The following DNAH8 variants were observed in gnomAD, a reference collection of about 807,000 sequenced individuals.
DNAH8 encodes the protein dynein axonemal heavy chain 8, also known as axonemal beta dynein heavy chain 8.
In DNAH8, 382 loss-of-function variants were observed where a neutral mutation model predicts 562.1. That is an observed-to-expected ratio of 0.68 (90% CI 0.63 to 0.74). The LOEUF (loss-of-function observed/expected upper bound fraction) is 0.74, where lower values mean the gene tolerates loss of function less well. DNAH8 is among the 30% of genes least tolerant of loss of function. The pLI is 0.00. For synonymous variants in DNAH8, 1,881 were observed against 1,919.4 expected (o/e 0.98, Z 0.52); for missense variants, 5,203 against 5,620.4 (o/e 0.93, Z 2.37).
chr6:38,930,051 A>G (rs1227269727), intron 75 of DNAH8, among the ~76,000 whole-genome samples: 1 of 152,182 alleles, frequency 6.6e-6, no homozygotes, highest in Non-Finnish European at 1.5e-5. Flanking sequence ...CAAGCCTTAT[A>G]TATATACATT....
chr6:38,996,016 T>C (rs9462469), intron 88 of DNAH8, among the ~76,000 whole-genome samples: 122,759 of 152,182 alleles, frequency 0.81, 50,194 homozygotes, highest in Middle Eastern at 0.88. Flanking sequence ...AGATGAACAC[T>C]TCACCAGAGC....
chr6:38,846,755 C>T, intron 36 of DNAH8, among the ~76,000 whole-genome samples: 1 of 152,170 alleles, frequency 6.6e-6, no homozygotes, highest in East Asian at 1.9e-4. Flanking sequence ...ATGATGACCT[C>T]TTGATGAAGG....
intron 88 of DNAH8, among the ~76,000 whole-genome samples, chr6:38,991,886 C>A (rs982496777): frequency 2.6e-5 from 4 of 152,166 alleles, no homozygotes; most frequent in African/African-American, 9.7e-5. Flanking sequence ...AAGATTGCAA[C>A]CCACTCCCCA....
At chr6:38,881,567 T>G (rs1392835500) in intron 53 of DNAH8, among the ~76,000 whole-genome samples, 1 of 131,202 alleles carries the variant, frequency 7.6e-6, no homozygotes, top group African/African-American at 2.8e-5. Flanking sequence ...TTTTTTTTTT[T>G]GAGACGGAGT....
chr6:38,961,833 T>C (rs1425881781), intron 82 of DNAH8, among the ~76,000 whole-genome samples: 1 of 151,982 alleles, frequency 6.6e-6, no homozygotes, highest in African/African-American at 2.4e-5. Flanking sequence ...AAGATATGGC[T>C]AATGTATTGA....
intron 3 of DNAH8, among the ~76,000 whole-genome samples, chr6:38,728,835 T>C (rs1009659906): frequency 3.9e-5 from 6 of 152,202 alleles, no homozygotes; most frequent in African/African-American, 1.4e-4. Context: ...TGATGCACAC[T>C]AACATTTGAG....
chr6:38,905,246 T>A (rs1780365578), intron 62 of DNAH8, among the ~76,000 whole-genome samples: 1 of 152,220 alleles, frequency 6.6e-6, no homozygotes, highest in Admixed American at 6.5e-5. Context: ...TTAGTCCTTG[T>A]CATTAGCTTA....
chr6:38,957,866 C>G (rs956503523), intron 82 of DNAH8, among the ~76,000 whole-genome samples: 1 of 75,912 alleles, frequency 1.3e-5, no homozygotes, highest in Non-Finnish European at 2.5e-5. Context: ...ATGCCTACAC[C>G]AAAAAAAAAA....
At chr6:38,762,217 T>G (rs542983430) in intron 11 of DNAH8, among the ~76,000 whole-genome samples, 29 of 152,302 alleles carry the variant, frequency 1.9e-4, no homozygotes, top group African/African-American at 6.7e-4. Flanking sequence ...AGTTGGATGC[T>G]TTTGTAAGAT....
intron 17 of DNAH8, among the ~76,000 whole-genome samples, chr6:38,786,255 C>G (rs1769149768): frequency 6.6e-6 from 1 of 152,196 alleles, no homozygotes; most frequent in Non-Finnish European, 1.5e-5. Context: ...GATTTCACAA[C>G]TCAATGGTAT....
chr6:38,770,713 T>C (rs974182105), intron 12 of DNAH8, among the ~76,000 whole-genome samples, 154 bp downstream of exon 12: 1 of 152,210 alleles, frequency 6.6e-6, no homozygotes, highest in Non-Finnish European at 1.5e-5. Flanking sequence ...TGCATTTTAT[T>C]ATAACTTATT....
At chr6:38,835,861 A>C (rs1205902614) in intron 32 of DNAH8, among the ~76,000 whole-genome samples, 1 of 152,080 alleles carries the variant, frequency 6.6e-6, no homozygotes, top group Non-Finnish European at 1.5e-5. Context: ...TCATACTTGA[A>C]TTTTTAAAAT....
rs376615002 is a variant in DNAH8 at position 38,929,677 on chromosome 6, T to TA, written c.11274+26dup. ...GGCACCACTTTCAAGGTGAGCTTTG[T>TA]AAAAAAAAAAAAAAAGAAAGAAAGA... is the stretch of plus-strand genomic sequence containing the variant. On this transcript the variant is annotated intron_variant, in intron 75 of 92. Coordinates refer to ENST00000327475, the MANE Select transcript of DNAH8 (RefSeq NM_001206927.2). The TA allele has an allele frequency of 0.069, 72,862 of 1,052,528 alleles. 12 individuals are homozygous for TA. The highest frequency in any genetic ancestry group is 0.074 in the Non-Finnish European group (60,033 of 813,842). The allele number at this position is 1,052,528 out of a possible 1,614,324, so 65.2% of individuals were successfully genotyped here.
At chr6:39,012,167 A>T in intron 89 of DNAH8, 48 bp from the exon 90 acceptor site, 1 of 1,397,658 alleles carries the variant, frequency 7.2e-7, no homozygotes, top group South Asian at 1.3e-5. Context: ...TGGAAGAGAA[A>T]TGTCAGATGA....
intron 3 of DNAH8, among the ~76,000 whole-genome samples, chr6:38,728,311 G>T (rs1052399186): frequency 2.9e-5 from 4 of 138,156 alleles, no homozygotes; most frequent in Admixed American, 7.1e-5. Flanking sequence ...TGCAAGAAGG[G>T]TATAATAATG....
intron 9 of DNAH8, among the ~76,000 whole-genome samples, chr6:38,753,633 C>G (rs114861890): frequency 0.032 from 4,875 of 152,168 alleles, 246 homozygotes; most frequent in African/African-American, 0.11. Flanking sequence ...AGAAAGAATA[C>G]TCTTCATTGC....
At chr6:38,828,804 T>C (rs1678725) in intron 30 of DNAH8, among the ~76,000 whole-genome samples, 101,298 of 152,032 alleles carry the variant, frequency 0.67, 34,153 homozygotes, top group East Asian at 0.85. Context: ...ATATTCACAT[T>C]GTTGCTTAAC....
Position 38,971,603 on chromosome 6 carries a change from A to G in DNAH8, c.12463A>G (p.Ile4155Val). Residue 4155 changes from isoleucine to valine, a missense_variant, in exon 83 of 93, where the codon ATC becomes GTC. Ile to Val is a conservative substitution (Grantham distance 29). Coordinates refer to ENST00000327475, the MANE Select transcript of DNAH8 (RefSeq NM_001206927.2). ...AKKLKLECRT[I>V]SMGQGQEVHA... The stretch of plus-strand genomic sequence containing the variant: ...CTCCTATGTTACAGAATGTAGAACT[A>G]TCTCAATGGGGCAAGGACAAGAAGT... The G allele has an allele frequency of 1.9e-6, 3 of 1,588,916 alleles. No individual in the cohort carries two copies. Among genetic ancestry groups the G allele is most frequent in the Non-Finnish European group, 2.6e-6 (3 of 1,168,824 alleles).
intron 7 of DNAH8, among the ~76,000 whole-genome samples, chr6:38,741,349 A>G (rs1764501518): frequency 6.6e-6 from 1 of 152,222 alleles, no homozygotes; most frequent in Non-Finnish European, 1.5e-5. Flanking sequence ...GCTGCAGTGC[A>G]CTGTGATTGT....
Sources: allele counts gnomAD v4.1 joint callset (sites outside exome capture counted in the v4.1 genomes callset), GRCh38; gene constraint gnomAD v4.1.1; transcripts MANE v1.5; gene names NCBI Gene and HGNC (gene_info 2026-07-23, HGNC 2026-07-21).